Variants in PFKFB2 observed in about 807,000 individuals in gnomAD.
The protein encoded by PFKFB2 is 6-phosphofructo-2-kinase/fructose-2,6-biphosphatase 2, also known as 6-phosphofructo-2-kinase/fructose-2,6-bisphosphatase 2.
Under a neutral mutation model 68.0 loss-of-function variants are expected in PFKFB2, and 53 were observed. The ratio of observed to expected loss-of-function variants is 0.78; its 90% confidence interval spans 0.63 to 0.98. PFKFB2 has a LOEUF of 0.98. PFKFB2 is among the 50% of genes least tolerant of loss of function. PFKFB2 has a pLI of 0.00. For synonymous variants in PFKFB2, 222 were observed against 227.6 expected (o/e 0.98, Z 0.22); for missense variants, 451 against 642.0 (o/e 0.70, Z 3.22).
In PFKFB2 at chr1:207,072,673, G is replaced by C. The variant is rs999581904; in HGVS notation, c.*302G>C. The C allele has an allele frequency of 8.8e-7, 1 of 1,131,364 alleles. No individual in the cohort carries two copies. The highest frequency in any genetic ancestry group is 1.1e-6 in the Non-Finnish European group (1 of 921,834). The allele number at this position is 1,131,364 out of a possible 1,614,324, so 70.1% of individuals were successfully genotyped here. On this transcript the variant is annotated 3_prime_UTR_variant, in exon 15 of 15. Coordinates refer to ENST00000367080, the MANE Select transcript of PFKFB2 (RefSeq NM_006212.2). ...GAAAAAGATACACTCCCTTGGGGCT[G>C]AGCATGCCCCACACTCTTGGATCTT...
At chr1:207,071,278 A>G in intron 13 of PFKFB2, 28 bp downstream of exon 13, 1 of 1,583,612 alleles carries the variant, frequency 6.3e-7, no homozygotes, top group South Asian at 1.1e-5. Flanking sequence ...GGCTGGCAGG[A>G]GCTGGGAATT....
rs1683609820 is a variant in PFKFB2 at position 207,075,926 on chromosome 1, T to A, written c.*3555T>A. On this transcript the variant is annotated 3_prime_UTR_variant, in exon 15 of 15. Transcript: ENST00000367080. ...AATTTAGCTCTTATCTGTATTGTTG[T>A]TTTGTTTTGGTAAAGGGATGATTTT... 1 of 985,210 alleles carries A rather than the reference T, an allele frequency of 1.0e-6. No individual in the cohort carries two copies. The allele number at this position is 985,210 out of a possible 1,614,324, so 61.0% of individuals were successfully genotyped here.
At chr1:207,079,417 T>TAA (rs1683709219), downstream of PFKFB2, 1 of 230,464 alleles carries the variant, frequency 4.3e-6, no homozygotes, top group Non-Finnish European at 8.8e-6. Context: ...AGTGAGAAGG[T>TAA]AAGAGCTGGT....
At position 207,072,585 on chromosome 1, in the gene PFKFB2, G is replaced by T; in HGVS notation, c.*214G>T. On this transcript the variant is annotated 3_prime_UTR_variant, in exon 15 of 15. Transcript: ENST00000367080. ...CAGTTTGAAACATCTTTTCACCCAG[G>T]GGCAAGTTAGCAAATTGAGTCTTTT... is the stretch of plus-strand genomic sequence containing the variant. 1 of 1,332,346 alleles carries T rather than the reference G, an allele frequency of 7.5e-7. No individual in the cohort carries two copies. The allele number at this position is 1,332,346 out of a possible 1,614,324, so 82.5% of individuals were successfully genotyped here.
chr1:207,038,356 G>C (rs938465124), intron 1 of PFKFB2, among the ~76,000 whole-genome samples: 1 of 152,154 alleles, frequency 6.6e-6, no homozygotes, highest in African/African-American at 2.4e-5. Context: ...AATAAAGCCT[G>C]TTAAATATGA....
Position 207,077,499 on chromosome 1 carries a change from G to T in PFKFB2, c.*5128G>T. 1 of 985,600 alleles carries T rather than the reference G, an allele frequency of 1.0e-6. No homozygotes were observed. The highest frequency in any genetic ancestry group is 6.1e-5 in the Admixed American group (1 of 16,278). 61.1% of individuals were successfully genotyped at this position (985,600 alleles called of 1,614,324 possible). Reference sequence around the variant, plus strand: ...CTTATGCTGGTATGGTGATGGTTTTGCTATGGCAAAATCAAAGGGCTGATC... The same window carrying T: ...CTTATGCTGGTATGGTGATGGTTTTTCTATGGCAAAATCAAAGGGCTGATC... On this transcript the variant is annotated 3_prime_UTR_variant, in exon 15 of 15. Transcript: ENST00000367080.
At chr1:207,049,193 T>C (rs1473835313), upstream of PFKFB2, 4 of 1,614,058 alleles carry the variant, frequency 2.5e-6, no homozygotes, top group South Asian at 4.4e-5. Flanking sequence ...ACAAGAACAA[T>C]ATCATCATTA....
upstream of PFKFB2, chr1:207,049,000 A>G: frequency 6.2e-7 from 1 of 1,603,726 alleles, no homozygotes; most frequent in South Asian, 1.1e-5. Flanking sequence ...AGTAGGCTTC[A>G]ACCCTCATTC....
At chr1:207,056,649 C>T (rs1682930411) in intron 2 of PFKFB2, among the ~76,000 whole-genome samples, 1 of 151,890 alleles carries the variant, frequency 6.6e-6, no homozygotes, top group Non-Finnish European at 1.5e-5. Context: ...CTAATTCCTG[C>T]TCTGGGCTCT....
In PFKFB2 at chr1:207,063,746, T is replaced by A. The variant is rs751746662; in HGVS notation, c.451-27T>A. On this transcript the variant is annotated intron_variant, in intron 6 of 14. Coordinates refer to ENST00000367080, the MANE Select transcript of PFKFB2 (RefSeq NM_006212.2). The surrounding 1 kb of genome is among the most constrained non-coding windows in gnomAD (Gnocchi z 4.1). The stretch of plus-strand genomic sequence containing the variant: ...TAACAGCCTGGCATTTTTGACTTGC[T>A]TATCACTGCCTTCTCTCCATGGCCA... 2 of 1,605,888 alleles carry A rather than the reference T, an allele frequency of 1.2e-6. No homozygotes were observed. Among genetic ancestry groups the A allele is most frequent in the Non-Finnish European group, 1.7e-6 (2 of 1,172,544 alleles).
At chr1:207,047,615 G>A (rs1210853454) in intron 2 of PFKFB2, 1 of 152,604 alleles carries the variant, frequency 6.6e-6, no homozygotes, top group Non-Finnish European at 1.5e-5. Context: ...TCCCTGATCA[G>A]AATAATTAAG....
chr1:207,054,010 T>C (rs866886132), intron 1 of PFKFB2, among the ~76,000 whole-genome samples: 13 of 150,976 alleles, frequency 8.6e-5, no homozygotes, highest in Non-Finnish European at 1.2e-4. Flanking sequence ...TTCAAGCGAT[T>C]CTCCTGCCTC....
intron 10 of PFKFB2, among the ~76,000 whole-genome samples, chr1:207,069,035 G>C (rs113286154): frequency 6.6e-6 from 1 of 152,136 alleles, no homozygotes; most frequent in Non-Finnish European, 1.5e-5. Flanking sequence ...ATGAGCCACC[G>C]TGCCCGGCCG....
chr1:207,063,720 T>A lies in PFKFB2; in HGVS notation c.451-53T>A, dbSNP rs2102352631. 2 of 1,472,968 alleles carry A rather than the reference T, an allele frequency of 1.4e-6. No individual in the cohort carries two copies. Among genetic ancestry groups the A allele is most frequent in the South Asian group, 2.3e-5 (2 of 88,260 alleles). The allele number at this position is 1,472,968 out of a possible 1,614,324, so 91.2% of individuals were successfully genotyped here. On this transcript the variant is annotated intron_variant, in intron 6 of 14. Transcript: ENST00000367080. This position sits in a 1 kb window ranked among gnomAD's most constrained non-coding sequence, Gnocchi z 4.1. Reference sequence around the variant, plus strand: ...GGGGTAGATGAGCATGTGCTCTTAATTAACAGCCTGGCATTTTTGACTTGC... The same window carrying A: ...GGGGTAGATGAGCATGTGCTCTTAAATAACAGCCTGGCATTTTTGACTTGC...
chr1:207,046,473 C>T (rs1162453812), intron 2 of PFKFB2: 1 of 151,962 alleles, frequency 6.6e-6, no homozygotes, highest in Non-Finnish European at 1.5e-5. Flanking sequence ...GGTTTTTAAT[C>T]CTCAATAATT....
At chr1:207,049,300 G>T, upstream of PFKFB2, 1 of 1,614,050 alleles carries the variant, frequency 6.2e-7, no homozygotes, top group Non-Finnish European at 8.5e-7. Context: ...AACCCTTTTG[G>T]TATATCCTGC....
chr1:207,044,452 ATAAAG>A (rs1682546142), intron 2 of PFKFB2: 1 of 152,570 alleles, frequency 6.6e-6, no homozygotes, highest in Non-Finnish European at 1.5e-5. Flanking sequence ...ATACCAGTTT[ATAAAG>A]TAGACTCATG....
upstream of PFKFB2, among the ~76,000 whole-genome samples, chr1:207,052,665 C>T (rs1432842327): frequency 1.3e-5 from 2 of 151,988 alleles, no homozygotes; most frequent in East Asian, 3.9e-4. Context: ...AAAACAAAAA[C>T]CAAACCAAAC....
chr1:207,049,430 T>C (rs202025113), upstream of PFKFB2: 24 of 1,614,190 alleles, frequency 1.5e-5, no homozygotes, highest in Non-Finnish European at 1.9e-5. Flanking sequence ...TCCCTTTTGA[T>C]CCAGTCACAG....
Sources: gnomAD v4.1 joint callset for allele counts (sites outside exome capture counted in the v4.1 genomes callset) on GRCh38, gnomAD v4.1.1 for gene constraint, Gnocchi (gnomAD v3.1) non-coding constraint, MANE v1.5 for transcripts, NCBI Gene and HGNC (gene_info 2026-07-23, HGNC 2026-07-21) for gene names.